SIPA1L3: variants seen among roughly 807,000 people sequenced by gnomAD.
SIPA1L3 encodes the protein signal induced proliferation associated 1 like 3, also known as signal-induced proliferation-associated 1-like protein 3.
In SIPA1L3, 59 loss-of-function variants were observed where a neutral mutation model predicts 150.1. That is an observed-to-expected ratio of 0.39 (90% CI 0.32 to 0.49). The LOEUF (loss-of-function observed/expected upper bound fraction) is 0.49, where lower values mean the gene tolerates loss of function less well. Ranked by LOEUF, SIPA1L3 falls within the 20% of genes least tolerant of loss-of-function variation. The pLI is 0.86. For missense variants in SIPA1L3, 2,211 were observed against 2,489.5 expected (o/e 0.89, Z 2.38); for synonymous variants, 1,070 against 1,077.6 (o/e 0.99, Z 0.14).
intron 2 of SIPA1L3, among the ~76,000 whole-genome samples, chr19:38,069,718 G>A (rs1969673883): frequency 6.6e-6 from 1 of 151,936 alleles, no homozygotes; most frequent in Non-Finnish European, 1.5e-5. Context: ...AGGCTGGAGT[G>A]CAGTGGTGCG....
In SIPA1L3 at chr19:38,116,538, A is replaced by G. The variant is rs113800898; in HGVS notation, c.2292-2768A>G. ...AAGACTCTGTCTCAAAAAAAAAAAA[A>G]AAAGAAAGAAAGAAAAGAAAAAGAA... On this transcript the variant is annotated intron_variant, in intron 8 of 21. Transcript: ENST00000222345. 7.7e-5 allele frequency among the ~76,000 whole-genome samples: 11 copies of G among 142,166 alleles called. No individual in the cohort carries two copies. The East Asian group carries it at 8.3e-4, about 11-fold the overall frequency. 93.3% of individuals were successfully genotyped at this position (142,166 alleles called of 152,430 possible). A position where few individuals can be genotyped will look rare whatever the true frequency, so the allele number is the denominator to read the frequency against.
chr19:38,051,937 G>T (rs1464232878), intron 2 of SIPA1L3, among the ~76,000 whole-genome samples: 1 of 152,174 alleles, frequency 6.6e-6, no homozygotes, highest in East Asian at 1.9e-4. Flanking sequence ...CATTTACAGG[G>T]GTAGAAATAG....
chr19:38,162,265 A>C lies in SIPA1L3; in HGVS notation c.3674A>C (p.His1225Pro). ...TGTTTTCCTACAGAGCCTTTGTGGCATGTGCCTGCCCAGGCCAGGCTCTCA... is the reference window on the plus strand; with the variant it reads ...TGTTTTCCTACAGAGCCTTTGTGGCCTGTGCCTGCCCAGGCCAGGCTCTCA... ...MERQKPEPLW[H>P]VPAQARLSAI... The change falls in exon 14 of 22, where the codon CAT becomes CCT. Residue 1225 changes from histidine (H) to proline (P), a missense_variant. His to Pro is a moderately conservative substitution (Grantham distance 77). Around this residue, in one of 5 missense-constraint regions of SIPA1L3, gnomAD observed 806 missense variants for 870.1 expected, o/e 0.93. Coordinates refer to ENST00000222345, the MANE Select transcript of SIPA1L3 (RefSeq NM_015073.3). The C allele has an allele frequency of 6.2e-7, 1 of 1,614,084 alleles. No homozygotes were observed. The highest frequency in any genetic ancestry group is 8.5e-7 in the Non-Finnish European group (1 of 1,179,888).
At chr19:38,032,279 C>G (rs1316682821) in intron 2 of SIPA1L3, among the ~76,000 whole-genome samples, 1 of 152,156 alleles carries the variant, frequency 6.6e-6, no homozygotes, top group African/African-American at 2.4e-5. Context: ...TAAAAGCTCC[C>G]AAGTTCCAAG....
intron 1 of SIPA1L3, among the ~76,000 whole-genome samples, chr19:38,011,847 G>C (rs1968106666): frequency 6.6e-6 from 1 of 151,924 alleles, no homozygotes; most frequent in Non-Finnish European, 1.5e-5. Flanking sequence ...AAGTTGTTAG[G>C]ATGAAAGATG....
At chr19:38,130,328 C>G (rs991481904) in intron 9 of SIPA1L3, among the ~76,000 whole-genome samples, 170 bp from the exon 10 acceptor site, 6 of 152,358 alleles carry the variant, frequency 3.9e-5, no homozygotes, top group East Asian at 3.9e-4. Context: ...GGAAGCCAGG[C>G]TGGGACCGGG....
Position 38,123,778 on chromosome 19 carries a change from G to C in SIPA1L3, c.2868+3896G>C, listed in dbSNP as rs1465362734. ...ATGGCCCGTTCTCAATGAGCTGATGGGTACACCTCCCAGACGGGGTGGCGG... is the reference window on the plus strand; with the variant it reads ...ATGGCCCGTTCTCAATGAGCTGATGCGTACACCTCCCAGACGGGGTGGCGG... On this transcript the variant is annotated intron_variant, in intron 9 of 21. Coordinates refer to ENST00000222345, the MANE Select transcript of SIPA1L3 (RefSeq NM_015073.3). 2.0e-5 allele frequency among the ~76,000 whole-genome samples: 3 copies of C among 151,980 alleles called. No individual in the cohort carries two copies. In the East Asian group the frequency reaches 5.8e-4, roughly 30 times the overall value.
chr19:37,996,433 A>G lies in SIPA1L3; in HGVS notation c.-378-32656A>G, dbSNP rs75154779. 5.0e-3 allele frequency among the ~76,000 whole-genome samples: 755 copies of G among 152,286 alleles called. 10 individuals carry two copies. Among genetic ancestry groups the G allele is most frequent in the African/African-American group, 0.016 (649 of 41,570 alleles). ...ACATCACATATATTTATGGTATACA[A>G]CATGCTGTTTTGGTATGTGTGTACA... On this transcript the variant is annotated intron_variant, in intron 1 of 21. Transcript: ENST00000222345.
At chr19:38,022,436 A>G (rs533275824) in intron 1 of SIPA1L3, among the ~76,000 whole-genome samples, 2 of 151,340 alleles carry the variant, frequency 1.3e-5, no homozygotes, top group East Asian at 3.9e-4. Context: ...TTTAAGAAGA[A>G]AAACTGTAAT....
intron 1 of SIPA1L3, among the ~76,000 whole-genome samples, chr19:37,920,423 G>A (rs961369865): frequency 3.3e-5 from 5 of 152,072 alleles, no homozygotes; most frequent in African/African-American, 9.7e-5. Context: ...AAGATATCTC[G>A]GATTTCCTTC....
intron 2 of SIPA1L3, among the ~76,000 whole-genome samples, chr19:38,071,532 G>A (rs745784985): frequency 1.2e-4 from 18 of 152,006 alleles, no homozygotes; most frequent in Admixed American, 3.3e-4. Context: ...CAGTTGATTC[G>A]CCCACCTCGG....
chr19:37,980,378 C>T (rs1402911927), intron 1 of SIPA1L3, among the ~76,000 whole-genome samples: 1 of 152,180 alleles, frequency 6.6e-6, no homozygotes, highest in African/African-American at 2.4e-5. Context: ...CTCTGCTCTG[C>T]ACTTTGCAAA....
intron 4 of SIPA1L3, among the ~76,000 whole-genome samples, chr19:38,090,337 A>C (rs550271344): frequency 6.6e-6 from 1 of 152,038 alleles, no homozygotes; most frequent in East Asian, 1.9e-4. Flanking sequence ...TCTCAAAAAA[A>C]AAAAAAAAAA....
chr19:37,930,649 C>G (rs1425556021), intron 1 of SIPA1L3, among the ~76,000 whole-genome samples: 9 of 152,084 alleles, frequency 5.9e-5, no homozygotes, highest in Non-Finnish European at 1.2e-4. Flanking sequence ...GGCTCTGAGC[C>G]AGACTGCTGA....
rs886900903 is a variant in SIPA1L3 at position 38,083,013 on chromosome 19, A to C, written c.1448A>C (p.Gln483Pro). Residue 483 changes from glutamine to proline, a missense_variant, in exon 3 of 22, where the codon CAG (glutamine) becomes CCG (proline). Transcript: ENST00000222345. ...ISVLEVPKEQQRTQSRPRQYS... is the reference protein window; with the variant it reads ...ISVLEVPKEQPRTQSRPRQYS... ...GTGTTGGAAGTTCCCAAGGAGCAGCAGCGGACGCAGAGTCGGCCCCGGCAG... is the reference window on the plus strand; with the variant it reads ...GTGTTGGAAGTTCCCAAGGAGCAGCCGCGGACGCAGAGTCGGCCCCGGCAG... The C allele has an allele frequency of 1.2e-5, 19 of 1,613,180 alleles. No individual in the cohort carries two copies. Among genetic ancestry groups the C allele is most frequent in the Non-Finnish European group, 1.6e-5 (19 of 1,179,998 alleles).
At chr19:38,038,714 T>C (rs1968845936) in intron 2 of SIPA1L3, among the ~76,000 whole-genome samples, 1 of 152,200 alleles carries the variant, frequency 6.6e-6, no homozygotes, top group Non-Finnish European at 1.5e-5. Flanking sequence ...TTCTACAGTG[T>C]AATTTGGAAA....
chr19:38,000,519 T>C (rs1967758056), intron 1 of SIPA1L3, among the ~76,000 whole-genome samples: 2 of 143,702 alleles, frequency 1.4e-5, no homozygotes, highest in African/African-American at 2.6e-5. Flanking sequence ...TTATAAATAG[T>C]GGTTCAGATG....
intron 2 of SIPA1L3, among the ~76,000 whole-genome samples, chr19:38,068,252 A>C (rs1231924167): frequency 1.3e-5 from 2 of 151,646 alleles, no homozygotes; most frequent in African/African-American, 4.8e-5. Context: ...GATGGTCTCG[A>C]TCTCCTGACC....
At position 38,207,514 on chromosome 19, in the gene SIPA1L3, C is replaced by T. The variant is rs1973246582; in HGVS notation, c.*1274C>T. 2 of 151,698 alleles carry T rather than the reference C, an allele frequency of 1.3e-5. No homozygotes were observed. The highest frequency in any genetic ancestry group is 2.9e-5 in the Non-Finnish European group (2 of 67,956). The allele number at this position is 151,698 out of a possible 1,614,324, so 9.4% of individuals were successfully genotyped here. ...ATGGCCACAGTCTGTGGATTCATCC[C>T]CCCAACCTCAAGCTGAGGACCAAGG... On this transcript the variant is annotated 3_prime_UTR_variant, in exon 22 of 22. Coordinates refer to ENST00000222345, the MANE Select transcript of SIPA1L3 (RefSeq NM_015073.3).
Sources: allele counts gnomAD v4.1 joint callset (sites outside exome capture counted in the v4.1 genomes callset), GRCh38; gene constraint gnomAD v4.1.1; regional missense constraint gnomAD v4.1.1; transcripts MANE v1.5; gene names NCBI Gene and HGNC (gene_info 2026-07-23, HGNC 2026-07-21).